BIRC6: variants seen among roughly 807,000 people sequenced by gnomAD.
The protein encoded by BIRC6 is baculoviral IAP repeat containing 6.
BIRC6 carries 98 observed loss-of-function variants against 503.3 expected under a neutral mutation model. That is an observed-to-expected ratio of 0.19 (90% CI 0.17 to 0.23). BIRC6 has a LOEUF of 0.23. BIRC6 is among the 10% of genes least tolerant of loss of function. The pLI is 1.00. For synonymous variants in BIRC6, 2,240 were observed against 2,078.7 expected, an observed-to-expected ratio of 1.08 and a Z score of -2.11; for missense variants, 5,360 against 5,806.0, an observed-to-expected ratio of 0.92 and a Z score of 2.50.
chr2:32,597,384 C>A (rs1378338227), intron 68 of BIRC6, among the ~76,000 whole-genome samples: 10 of 152,050 alleles, frequency 6.6e-5, no homozygotes, highest in Admixed American at 6.6e-4. Context: ...TAGCCATTGT[C>A]TTTGATTGAA....
intron 15 of BIRC6, among the ~76,000 whole-genome samples, chr2:32,437,634 C>T (rs914094891): frequency 6.6e-6 from 1 of 152,144 alleles, no homozygotes; most frequent in African/African-American, 2.4e-5. Context: ...TTGTGATATA[C>T]TTAACTAGTT....
rs2059603028 is a variant in BIRC6 at position 32,567,300 on chromosome 2, G to C, written c.13145-7856G>C. Reference sequence around the variant, plus strand: ...ACTTCTTATGCTTTTTTAAAAAAATGTTTTTCTTTTGGGGAATCCCCATAT... The same window carrying C: ...ACTTCTTATGCTTTTTTAAAAAAATCTTTTTCTTTTGGGGAATCCCCATAT... On this transcript the variant is annotated intron_variant, in intron 65 of 73. Transcript: ENST00000421745. 2.0e-5 allele frequency among the ~76,000 whole-genome samples: 3 copies of C among 152,172 alleles called. No individual in the cohort carries two copies. In the South Asian group the frequency reaches 6.2e-4, roughly 31 times the overall value.
Position 32,595,053 on chromosome 2 carries a change from C to A in BIRC6, c.13521C>A (p.Tyr4507Ter). ...QANQEKKLGE[Y>*]SKKAAMKPKP... ...TAACAGAAAAAAAACTGGGTGAATA[C>A]TCCAAGAAGGCGGCTATGAAACCCA... Residue 4507 changes from tyrosine to a stop codon, truncating the protein, a stop_gained, in exon 68 of 74, where the codon TAC becomes TAA. Transcript: ENST00000421745. LOFTEE classifies it high-confidence loss of function. The A allele has an allele frequency of 6.3e-7, 1 of 1,597,754 alleles. No homozygotes were observed. Among genetic ancestry groups the A allele is most frequent in the Admixed American group, 1.8e-5 (1 of 56,386 alleles).
intron 3 of BIRC6, 34 bp downstream of exon 3, chr2:32,380,324 A>G (rs908902457): frequency 3.2e-6 from 5 of 1,562,056 alleles, no homozygotes; most frequent in Non-Finnish European, 4.3e-6. Flanking sequence ...TTTTGGGGTT[A>G]TATTACAATG....
intron 21 of BIRC6, among the ~76,000 whole-genome samples, chr2:32,446,929 TTAAGA>T (rs2148451257): frequency 8.6e-6 from 1 of 116,762 alleles, no homozygotes; most frequent in East Asian, 2.4e-4. Context: ...CCCTGGGTAC[TTAAGA>T]TTAGGGAGTG....
chr2:32,482,644 A>T, intron 39 of BIRC6, 62 bp downstream of exon 39: 1 of 1,571,980 alleles, frequency 6.4e-7, no homozygotes, highest in Non-Finnish European at 8.7e-7. Flanking sequence ...TCATTTATGT[A>T]TACTTTGTCC....
intron 61 of BIRC6, among the ~76,000 whole-genome samples, chr2:32,537,336 T>A (rs1559001214): frequency 6.6e-6 from 1 of 152,118 alleles, no homozygotes; most frequent in African/African-American, 2.4e-5. Context: ...ACCACACCTA[T>A]TCCAAAATTG....
chr2:32,533,087 C>T (rs1181862569), intron 61 of BIRC6, among the ~76,000 whole-genome samples: 1 of 152,246 alleles, frequency 6.6e-6, no homozygotes, highest in East Asian at 1.9e-4. Flanking sequence ...GGGGAGAAAA[C>T]CTACAGTGTC....
chr2:32,608,244 G>T (rs2062608111), intron 72 of BIRC6, among the ~76,000 whole-genome samples: 1 of 149,914 alleles, frequency 6.7e-6, no homozygotes, highest in South Asian at 2.1e-4. Flanking sequence ...AGTAAGCTGT[G>T]TTCACATGAC....
chr2:32,480,773 C>T (rs1187781949), intron 37 of BIRC6, among the ~76,000 whole-genome samples: 2 of 151,432 alleles, frequency 1.3e-5, no homozygotes, highest in African/African-American at 4.9e-5. Context: ...CCTGGAATAG[C>T]TGGGATTACA....
At chr2:32,520,375 C>G (rs1240519262) in intron 57 of BIRC6, among the ~76,000 whole-genome samples, 1 of 152,072 alleles carries the variant, frequency 6.6e-6, no homozygotes. Flanking sequence ...TGTTAGCATA[C>G]TGTTATAAAT....
At position 32,476,215 on chromosome 2, in the gene BIRC6, A is replaced by G. The variant is rs1485323984; in HGVS notation, c.6723A>G (p.Gln2241=). ...AGTTGTTTATTTGTTTTATAAAGCA[A>G]CTTAACCTACTAAAAGCAAAGCAGA... ...IRKQLVHHKQ[Q]LNLLKAKQKA... is the part of the protein sequence containing the mutation. The change falls in exon 34 of 74, where the codon CAA becomes CAG. Residue 2241 remains glutamine, a splice_region_variant and synonymous_variant. Transcript: ENST00000421745. The G allele has an allele frequency of 2.6e-6, 4 of 1,539,536 alleles. No homozygotes were observed. Among genetic ancestry groups the G allele is most frequent in the Middle Eastern group, 3.8e-4 (2 of 5,322 alleles).
intron 9 of BIRC6, among the ~76,000 whole-genome samples, chr2:32,411,461 A>G (rs1323280196): frequency 1.7e-5 from 2 of 117,142 alleles, no homozygotes; most frequent in Non-Finnish European, 3.8e-5. Context: ...TATTTTTTGT[A>G]TTTTCGAAAA....
chr2:32,486,027 T>C (rs1476248947), intron 40 of BIRC6, among the ~76,000 whole-genome samples: 3 of 152,192 alleles, frequency 2.0e-5, no homozygotes, highest in Non-Finnish European at 4.4e-5. Context: ...TACTGTATTG[T>C]TGTAAGGTTA....
chr2:32,445,617 C>T lies in BIRC6; in HGVS notation c.4433C>T (p.Ser1478Phe), dbSNP rs2045868518. 2 of 1,605,388 alleles carry T rather than the reference C, an allele frequency of 1.2e-6. No homozygotes were observed. Among genetic ancestry groups the T allele is most frequent in the Non-Finnish European group, 8.5e-7 (1 of 1,175,518 alleles). The change falls in exon 21 of 74, where the codon TCC becomes TTC. Residue 1478 changes from serine to phenylalanine, a missense_variant. Ser to Phe is a radical substitution (Grantham distance 155). Coordinates refer to ENST00000421745, the MANE Select transcript of BIRC6 (RefSeq NM_016252.4). ...TGTGCATCTTTGCTTACTGCAGTGTCCAGACAGTTACAGGACAGGCTAACA... is the reference window on the plus strand; with the variant it reads ...TGTGCATCTTTGCTTACTGCAGTGTTCAGACAGTTACAGGACAGGCTAACA... ...TACASLLTAVSRQLQDRLTPM... is the reference protein window; with the variant it reads ...TACASLLTAVFRQLQDRLTPM...
intron 65 of BIRC6, among the ~76,000 whole-genome samples, chr2:32,569,511 G>C (rs1162058895): frequency 2.0e-5 from 3 of 152,126 alleles, no homozygotes; most frequent in Admixed American, 6.5e-5. Flanking sequence ...TGGGACTACA[G>C]GAATGAACCA....
In BIRC6 at chr2:32,415,682, T is replaced by C; in HGVS notation, c.2391T>C (p.Ser797=). 6.2e-7 allele frequency: 1 copy of C among 1,613,914 alleles called. No individual in the cohort carries two copies. The highest frequency in any genetic ancestry group is 1.1e-5 in the South Asian group (1 of 91,082). Residue 797 remains serine, a synonymous_variant, in exon 10 of 74, where the codon AGT becomes AGC. Transcript: ENST00000421745. Reference sequence around the variant, plus strand: ...CTGTAGTGAATGGTGCAAATATTAGTGTAATCCAACATGAATCACCAGCAG... The same window carrying C: ...CTGTAGTGAATGGTGCAAATATTAGCGTAATCCAACATGAATCACCAGCAG... The part of the protein sequence containing the change: ...NLAVVNGANI[S]VIQHESPADV...
intron 69 of BIRC6, among the ~76,000 whole-genome samples, chr2:32,598,611 C>T (rs1016670635): frequency 1.3e-5 from 2 of 151,922 alleles, no homozygotes; most frequent in African/African-American, 4.8e-5. Context: ...ACATTTAACC[C>T]GAAAAAGAAA....
At chr2:32,395,805 G>A (rs2039811217) in intron 6 of BIRC6, among the ~76,000 whole-genome samples, 1 of 152,146 alleles carries the variant, frequency 6.6e-6, no homozygotes, top group Non-Finnish European at 1.5e-5. Flanking sequence ...TTGTACACAA[G>A]GGAAGTACCA....
Sources: allele counts gnomAD v4.1 joint callset (sites outside exome capture counted in the v4.1 genomes callset), GRCh38; gene constraint gnomAD v4.1.1; transcripts MANE v1.5; gene names NCBI Gene and HGNC (gene_info 2026-07-23, HGNC 2026-07-21).